The following SNX29 variants were observed in gnomAD, a reference collection of about 807,000 sequenced individuals.
SNX29 encodes sorting nexin-29.
In SNX29, 78 loss-of-function variants were observed where a neutral mutation model predicts 102.1. The ratio of observed to expected loss-of-function variants is 0.76; its 90% CI spans 0.64 to 0.92. SNX29 has a LOEUF of 0.92. SNX29 is among the 40% of genes least tolerant of loss of function. SNX29 has a pLI of 0.00. For synonymous variants in SNX29, 580 were observed against 414.5 expected, an observed-to-expected ratio of 1.40 and a Z score of -4.85; for missense variants, 1,280 against 1,061.7, an observed-to-expected ratio of 1.21 and a Z score of -2.86.
chr16:12,424,667 A>G (rs1417153076), intron 18 of SNX29, among the ~76,000 whole-genome samples: 3 of 152,202 alleles, frequency 2.0e-5, no homozygotes, highest in African/African-American at 7.2e-5. Context: ...TCAGGCTATT[A>G]TTTATTTTGA....
At chr16:12,495,771 TG>T (rs1399220598) in intron 19 of SNX29, among the ~76,000 whole-genome samples, 1 of 151,990 alleles carries the variant, frequency 6.6e-6, no homozygotes, top group African/African-American at 2.4e-5. Context: ...TGTCTGCAGC[TG>T]GTTGGGCGTG....
intron 20 of SNX29, among the ~76,000 whole-genome samples, chr16:12,530,221 C>T (rs569199689): frequency 3.9e-5 from 6 of 152,182 alleles, no homozygotes; most frequent in Non-Finnish European, 5.9e-5. Flanking sequence ...GGCTCTTCCA[C>T]TGAGGAGGAA....
chr16:12,115,669 C>T (rs1194431274), intron 11 of SNX29, among the ~76,000 whole-genome samples: 1 of 152,214 alleles, frequency 6.6e-6, no homozygotes, highest in African/African-American at 2.4e-5. Context: ...AATGGGTAGG[C>T]TCCACTATGC....
intron 20 of SNX29, among the ~76,000 whole-genome samples, chr16:12,555,786 C>T (rs1177262050): frequency 1.3e-5 from 2 of 152,124 alleles, no homozygotes; most frequent in Non-Finnish European, 2.9e-5. Flanking sequence ...TGGCACCAGG[C>T]AGGCACACTC....
At chr16:12,475,529 A>G (rs543427965) in intron 18 of SNX29, among the ~76,000 whole-genome samples, 2 of 152,276 alleles carry the variant, frequency 1.3e-5, no homozygotes, top group African/African-American at 4.8e-5. Flanking sequence ...GCCCATTGTG[A>G]GTTGAAAATA....
At chr16:12,195,524 A>G (rs370684106) in intron 13 of SNX29, among the ~76,000 whole-genome samples, 2 of 152,172 alleles carry the variant, frequency 1.3e-5, no homozygotes, top group East Asian at 3.8e-4. Flanking sequence ...TGAGCTCCAT[A>G]ACTCGAGGAA....
chr16:12,335,657 C>T (rs1269043317), intron 15 of SNX29, among the ~76,000 whole-genome samples: 2 of 152,112 alleles, frequency 1.3e-5, no homozygotes, highest in African/African-American at 2.4e-5. Context: ...GACGGGGTGA[C>T]GGAGTGAGAC....
chr16:11,998,076 C>G (rs1427648531), intron 1 of SNX29, among the ~76,000 whole-genome samples: 1 of 152,216 alleles, frequency 6.6e-6, no homozygotes, highest in Non-Finnish European at 1.5e-5. Context: ...CCAGCTGGCC[C>G]TGGCTTGACC....
At chr16:12,561,728 GCAGGGAGGA>G (rs1567205367) in intron 20 of SNX29, among the ~76,000 whole-genome samples, 1 of 152,204 alleles carries the variant, frequency 6.6e-6, no homozygotes, top group East Asian at 1.9e-4. Flanking sequence ...GTTGCTAGCA[GCAGGGAGGA>G]TGGAGATGGA....
intron 1 of SNX29, among the ~76,000 whole-genome samples, chr16:11,995,713 T>G (rs1474725851): frequency 1.3e-5 from 2 of 151,150 alleles, no homozygotes; most frequent in Admixed American, 1.3e-4. Context: ...GCTAAACCTT[T>G]ATTATTCAGG....
chr16:12,559,728 T>C (rs1028542852), intron 20 of SNX29, among the ~76,000 whole-genome samples: 1 of 152,004 alleles, frequency 6.6e-6, no homozygotes, highest in Non-Finnish European at 1.5e-5. Flanking sequence ...CACCAAGAAA[T>C]AGATGAAATA....
At chr16:12,562,390 G>C (rs973095300) in intron 20 of SNX29, among the ~76,000 whole-genome samples, 11 of 152,104 alleles carry the variant, frequency 7.2e-5, no homozygotes, top group Non-Finnish European at 2.9e-5. Flanking sequence ...CAGCTCAAGA[G>C]ACAGATCACA....
intron 16 of SNX29, among the ~76,000 whole-genome samples, chr16:12,369,425 C>T (rs1171302213): frequency 6.6e-5 from 10 of 152,118 alleles, no homozygotes; most frequent in African/African-American, 9.7e-5. Context: ...CGTGAGCCAC[C>T]GTGCCCGGCC....
chr16:12,008,295 G>A, intron 3 of SNX29, among the ~76,000 whole-genome samples: 1 of 151,220 alleles, frequency 6.6e-6, no homozygotes, highest in East Asian at 2.0e-4. Flanking sequence ...TTGAGATGGA[G>A]TTTCGCTCTT....
intron 15 of SNX29, among the ~76,000 whole-genome samples, chr16:12,311,955 CG>C (rs1281325055): frequency 6.6e-6 from 1 of 152,092 alleles, no homozygotes; most frequent in Non-Finnish European, 1.5e-5. Flanking sequence ...CATGAGGAAC[CG>C]GGGCCCAGGT....
chr16:12,069,418 A>G (rs990755711), intron 10 of SNX29, among the ~76,000 whole-genome samples: 8 of 151,836 alleles, frequency 5.3e-5, no homozygotes, highest in African/African-American at 1.9e-4. Flanking sequence ...GGCACACACC[A>G]CCATGCCTAG....
chr16:12,422,234 T>G (rs991452216), intron 18 of SNX29, among the ~76,000 whole-genome samples: 4 of 152,206 alleles, frequency 2.6e-5, no homozygotes, highest in African/African-American at 9.7e-5. Context: ...GGAAGGTTAT[T>G]GCACCTGTTG....
At chr16:12,393,126 G>T (rs2083589817) in intron 16 of SNX29, among the ~76,000 whole-genome samples, 1 of 152,188 alleles carries the variant, frequency 6.6e-6, no homozygotes, top group Admixed American at 6.5e-5. Context: ...AGTGACTCTG[G>T]AAAACAAATT....
intron 18 of SNX29, among the ~76,000 whole-genome samples, chr16:12,419,572 C>G (rs975356880): frequency 5.3e-5 from 8 of 151,858 alleles, no homozygotes; most frequent in East Asian, 1.9e-4. Context: ...GCCCCCCCCC[C>G]CATCTTTCTG....
Sources: gnomAD v4.1 joint callset for allele counts (sites outside exome capture counted in the v4.1 genomes callset) on GRCh38, gnomAD v4.1.1 for gene constraint, MANE v1.5 for transcripts, NCBI Gene and HGNC (gene_info 2026-07-23, HGNC 2026-07-21) for gene names.